LRRC8B: variants seen among roughly 807,000 people sequenced by gnomAD.
The protein encoded by LRRC8B is volume-regulated anion channel subunit LRRC8B.
LRRC8B carries 23 observed loss-of-function variants against 58.8 expected under a neutral mutation model. The observed-to-expected ratio is 0.39, with a 90% CI of 0.28 to 0.55. The LOEUF is 0.55. LRRC8B is among the 20% of genes least tolerant of loss of function. The pLI is 0.62. For synonymous variants in LRRC8B, 359 were observed against 374.1 expected (o/e 0.96, Z 0.47); for missense variants, 694 against 936.0 (o/e 0.74, Z 3.37).
At chr1:89,545,183 GT>G (rs1361930413) in intron 1 of LRRC8B, among the ~76,000 whole-genome samples, 1 of 152,098 alleles carries the variant, frequency 6.6e-6, no homozygotes, top group Non-Finnish European at 1.5e-5. Flanking sequence ...CCTGTTGGGA[GT>G]TTAAATTTAT....
chr1:89,525,947 C>G (rs1165706311), intron 1 of LRRC8B, among the ~76,000 whole-genome samples: 3 of 152,108 alleles, frequency 2.0e-5, no homozygotes, highest in Non-Finnish European at 4.4e-5. Flanking sequence ...TTAAAACAGG[C>G]AATTTGTTCA....
Position 89,595,476 on chromosome 1 carries a change from G to C in LRRC8B, c.*2433G>C, listed in dbSNP as rs540352683. The C allele has an allele frequency of 6.6e-6, 1 of 152,118 alleles. No homozygotes were observed. The highest frequency in any genetic ancestry group is 2.1e-4 in the South Asian group (1 of 4,820). 9.4% of individuals were successfully genotyped at this position (152,118 alleles called of 1,614,324 possible). A position where few individuals can be genotyped will look rare whatever the true frequency, so the allele number is the denominator to read the frequency against. On this transcript the variant is annotated 3_prime_UTR_variant, in exon 6 of 6. Coordinates refer to ENST00000330947, the MANE Select transcript of LRRC8B (RefSeq NM_001369817.2). ...CATTCACCTGACGAACTTCTCCATG[G>C]CTCGTCACTGGTTTGGTTCAACTGC...
In LRRC8B at chr1:89,583,252, C is replaced by A; in HGVS notation, c.602C>A (p.Ser201Tyr). The part of the protein sequence containing the change: ...SSSGCSADID[S>Y]GKQSLPYPQP... The stretch of plus-strand genomic sequence containing the variant: ...TCAGGGTGTTCAGCTGACATAGATT[C>A]CGGCAAACAGTCATTGCCCTACCCA... Residue 201 changes from serine (S) to tyrosine (Y), a missense_variant, in exon 5 of 6, where the codon TCC becomes TAC. Physicochemically the swap from Ser to Tyr is moderately radical, Grantham distance 144 (BLOSUM62 -2). Around this residue, in one of 5 missense-constraint regions of LRRC8B, gnomAD observed 316 missense variants for 403.8 expected, o/e 0.78. Coordinates refer to ENST00000330947, the MANE Select transcript of LRRC8B (RefSeq NM_001369817.2). The surrounding 1 kb of genome is among the most constrained non-coding windows in gnomAD (Gnocchi z 5.2). The A allele has an allele frequency of 6.2e-7, 1 of 1,614,158 alleles. No homozygotes were observed. The highest frequency in any genetic ancestry group is 1.1e-5 in the South Asian group (1 of 91,082).
Position 89,537,542 on chromosome 1 carries a change from G to A in LRRC8B, c.-241+12520G>A, listed in dbSNP as rs149843486. On this transcript the variant is annotated intron_variant, in intron 1 of 5. Coordinates refer to ENST00000330947, the MANE Select transcript of LRRC8B (RefSeq NM_001369817.2). The stretch of plus-strand genomic sequence containing the variant: ...TGGTGGAGTGCAGTGGCATGATCTC[G>A]GCTCACTGTAACCTCTACCTCCTGG... Among the ~76,000 whole-genome samples, 1,520 of 152,124 alleles carry A rather than the reference G, an allele frequency of 1.0e-2. 27 individuals carry two copies. The highest frequency in any genetic ancestry group is 0.035 in the African/African-American group (1,444 of 41,488).
At position 89,584,435 on chromosome 1, in the gene LRRC8B, T is replaced by A; in HGVS notation, c.1785T>A (p.Cys595Ter). The stretch of plus-strand genomic sequence containing the variant: ...TGAAAAGCCTAGAACTGATCAGCTG[T>A]GACCTGGAACGCATCCCACATTCCA... ...VNLKSLELISCDLERIPHSIF... is the reference protein window; with the variant it reads ...VNLKSLELIS Residue 595 changes from cysteine (C) to a stop codon, truncating the protein, a stop_gained, in exon 5 of 6, where the codon TGT becomes TGA. Coordinates refer to ENST00000330947, the MANE Select transcript of LRRC8B (RefSeq NM_001369817.2). LOFTEE classifies it high-confidence loss of function. 1 of 1,614,200 alleles carries A rather than the reference T, an allele frequency of 6.2e-7. No homozygotes were observed. Among genetic ancestry groups the A allele is most frequent in the Non-Finnish European group, 8.5e-7 (1 of 1,180,034 alleles).
intron 5 of LRRC8B, among the ~76,000 whole-genome samples, chr1:89,588,833 A>T (rs1557625657): frequency 6.6e-6 from 1 of 152,242 alleles, no homozygotes; most frequent in Non-Finnish European, 1.5e-5. Context: ...CGCAGACTGC[A>T]GCCTGGGGGT....
chr1:89,589,558 CT>C (rs35027182), intron 5 of LRRC8B, among the ~76,000 whole-genome samples: 62,870 of 144,826 alleles, frequency 0.43, 13,338 homozygotes, highest in East Asian at 0.47. Flanking sequence ...CACATTTGTG[CT>C]TTTTTTTTTT....
chr1:89,540,539 C>T (rs1273606660), intron 1 of LRRC8B, among the ~76,000 whole-genome samples: 12 of 152,148 alleles, frequency 7.9e-5, no homozygotes, highest in Admixed American at 7.9e-4. Context: ...CCCTTTGTGA[C>T]ACGAATGAAA....
At chr1:89,579,167 A>T (rs976476659) in intron 3 of LRRC8B, among the ~76,000 whole-genome samples, 12 of 152,204 alleles carry the variant, frequency 7.9e-5, no homozygotes, top group Non-Finnish European at 1.8e-4. Context: ...TTGAGGAATG[A>T]GTGAGAGAAA....
At chr1:89,525,323 C>T (rs1364983638) in intron 1 of LRRC8B, among the ~76,000 whole-genome samples, 4 of 152,172 alleles carry the variant, frequency 2.6e-5, no homozygotes, top group Non-Finnish European at 5.9e-5. Context: ...ACGGTCACCT[C>T]TCTTTCCCCC....
intron 1 of LRRC8B, among the ~76,000 whole-genome samples, chr1:89,537,245 C>G (rs1261107848): frequency 1.3e-5 from 2 of 152,168 alleles, no homozygotes; most frequent in Non-Finnish European, 2.9e-5. Context: ...GCCTGGGCAA[C>G]ATAGCAAGAC....
intron 1 of LRRC8B, among the ~76,000 whole-genome samples, chr1:89,560,918 G>A (rs1652597510): frequency 6.6e-6 from 1 of 151,974 alleles, no homozygotes; most frequent in Non-Finnish European, 1.5e-5. Flanking sequence ...GGGATGGCTG[G>A]GTCAAATGGT....
chr1:89,577,788 T>C (rs557662252), intron 3 of LRRC8B, among the ~76,000 whole-genome samples: 1 of 151,816 alleles, frequency 6.6e-6, no homozygotes, highest in African/African-American at 2.4e-5. Context: ...ACGGAAGACA[T>C]TACAGAAAAC....
chr1:89,532,441 A>G (rs1650211075), intron 1 of LRRC8B, among the ~76,000 whole-genome samples: 1 of 152,190 alleles, frequency 6.6e-6, no homozygotes, highest in African/African-American at 2.4e-5. Context: ...ATTGTAGTTC[A>G]CATAGTCCCC....
chr1:89,543,778 G>A lies in LRRC8B; in HGVS notation c.-241+18756G>A, dbSNP rs1253571169. On this transcript the variant is annotated intron_variant, in intron 1 of 5. Transcript: ENST00000330947. Reference sequence around the variant, plus strand: ...CCCAAAGTGCTGGGATTACAGACATGAGCCACCATCCCTGGCCATTTTTTT... The same window carrying A: ...CCCAAAGTGCTGGGATTACAGACATAAGCCACCATCCCTGGCCATTTTTTT... 2.0e-5 allele frequency among the ~76,000 whole-genome samples: 3 copies of A among 148,142 alleles called. No individual in the cohort carries two copies. In the East Asian group the frequency reaches 6.0e-4, roughly 30 times the overall value.
At chr1:89,591,917 T>C (rs1655003581) in intron 5 of LRRC8B, among the ~76,000 whole-genome samples, 1 of 152,128 alleles carries the variant, frequency 6.6e-6, no homozygotes, top group African/African-American at 2.4e-5. Flanking sequence ...GTGCAGTCTA[T>C]CTATGCTGAG....
chr1:89,545,935 A>G (rs2100867236), intron 1 of LRRC8B, among the ~76,000 whole-genome samples: 1 of 152,350 alleles, frequency 6.6e-6, no homozygotes, highest in African/African-American at 2.4e-5. Context: ...CGATACATCC[A>G]GGATTTGCTT....
chr1:89,539,961 A>C (rs1247671988), intron 1 of LRRC8B, among the ~76,000 whole-genome samples: 3 of 152,150 alleles, frequency 2.0e-5, no homozygotes, highest in Non-Finnish European at 4.4e-5. Flanking sequence ...TATTCAGCAG[A>C]TATTGTGAAA....
intron 1 of LRRC8B, among the ~76,000 whole-genome samples, chr1:89,535,731 G>A (rs1178868833): frequency 6.6e-6 from 1 of 152,100 alleles, no homozygotes; most frequent in Non-Finnish European, 1.5e-5. Context: ...CCAGCCGCTT[G>A]ACTGACAGTC....
Sources: allele counts gnomAD v4.1 joint callset (sites outside exome capture counted in the v4.1 genomes callset), GRCh38; gene constraint gnomAD v4.1.1; regional missense constraint gnomAD v4.1.1; non-coding constraint Gnocchi (gnomAD v3.1); transcripts MANE v1.5; gene names NCBI Gene and HGNC (gene_info 2026-07-23, HGNC 2026-07-21).